The following KCNK17 variants were observed in gnomAD, a reference collection of about 807,000 sequenced individuals.
KCNK17 encodes the protein potassium channel subfamily K member 17.
In KCNK17, 27 loss-of-function variants were observed where a neutral mutation model predicts 24.6. The ratio of observed to expected loss-of-function variants is 1.10; its 90% CI spans 0.81 to 1.51. The LOEUF is 1.51. KCNK17 is among the 40% of genes most tolerant of loss of function. The pLI is 0.00. For missense variants in KCNK17, 450 were observed against 436.6 expected (o/e 1.03, Z -0.27); for synonymous variants, 181 against 189.8 (o/e 0.95, Z 0.38).
At chr6:39,301,759 G>A (rs774675114) in intron 4 of KCNK17, among the ~76,000 whole-genome samples, 7 of 152,252 alleles carry the variant, frequency 4.6e-5, no homozygotes, top group African/African-American at 7.2e-5. Flanking sequence ...ACCTGGGGGC[G>A]GCTCTGGCCA....
intron 2 of KCNK17, among the ~76,000 whole-genome samples, chr6:39,307,339 C>A (rs1762054001): frequency 6.6e-6 from 1 of 152,166 alleles, no homozygotes; most frequent in South Asian, 2.1e-4. Flanking sequence ...CCTCTTGAGT[C>A]CCCATCTACC....
intron 2 of KCNK17, among the ~76,000 whole-genome samples, chr6:39,309,569 G>A (rs867216029): frequency 3.2e-4 from 48 of 152,154 alleles, no homozygotes; most frequent in Admixed American, 7.2e-4. Context: ...GGGTGGTAGA[G>A]CTGGGAAGAG....
chr6:39,306,685 T>C (rs968849556), intron 2 of KCNK17, among the ~76,000 whole-genome samples: 1 of 151,888 alleles, frequency 6.6e-6, no homozygotes, highest in Non-Finnish European at 1.5e-5. Context: ...TGGAGTCTGC[T>C]GCACCTCCTA....
chr6:39,309,275 G>C (rs1762090104), intron 2 of KCNK17, among the ~76,000 whole-genome samples: 1 of 152,244 alleles, frequency 6.6e-6, no homozygotes, highest in East Asian at 1.9e-4. Context: ...AGTGAGCTGA[G>C]ATCATGCCAC....
At chr6:39,308,481 G>A (rs1467665435) in intron 2 of KCNK17, among the ~76,000 whole-genome samples, 1 of 152,188 alleles carries the variant, frequency 6.6e-6, no homozygotes, top group Non-Finnish European at 1.5e-5. Flanking sequence ...AGAAGAGATG[G>A]GGTTTCATCA....
chr6:39,314,171 G>A lies in KCNK17; in HGVS notation c.150C>T (p.Asp50=). ...FWTLEGRAAQ[D]SSRSFQRDKW... ...TGTCGCGCTGGAAGCTGCGGCTGGA[G>A]TCCTGCGCCGCGCGGCCCTCCAGCG... Residue 50 remains aspartate (D), a synonymous_variant, in exon 1 of 5, where the codon GAC becomes GAT. Transcript: ENST00000373231. The A allele has an allele frequency of 1.0e-5, 16 of 1,563,642 alleles. No homozygotes were observed. The highest frequency in any genetic ancestry group is 1.3e-5 in the Non-Finnish European group (15 of 1,158,430).
chr6:39,304,301 G>A, intron 3 of KCNK17, 170 bp from the exon 4 acceptor site: 1 of 785,310 alleles, frequency 1.3e-6, no homozygotes, highest in South Asian at 1.8e-5. Flanking sequence ...CTTCCTGTCT[G>A]CCCAGTCCCA....
At chr6:39,312,078 G>T (rs2113841795) in intron 1 of KCNK17, among the ~76,000 whole-genome samples, 1 of 152,350 alleles carries the variant, frequency 6.6e-6, no homozygotes, top group East Asian at 1.9e-4. Context: ...TCCTGGCACA[G>T]GTGGTCCAGG....
At chr6:39,300,404 G>T in intron 4 of KCNK17, 1 of 1,305,948 alleles carries the variant, frequency 7.7e-7, no homozygotes, top group Non-Finnish European at 1.1e-6. Flanking sequence ...AATTACAGGT[G>T]TGAGCCACCG....
At position 39,310,248 on chromosome 6, in the gene KCNK17, G is replaced by A. The variant is rs116509187; in HGVS notation, c.352+645C>T. Among the ~76,000 whole-genome samples the A allele has an allele frequency of 8.6e-3, 1,311 of 152,268 alleles. 9 individuals carry two copies. Among genetic ancestry groups the A allele is most frequent in the African/African-American group, 0.029 (1,212 of 41,538 alleles). On this transcript the variant is annotated intron_variant, in intron 2 of 4. Transcript: ENST00000373231. The stretch of plus-strand genomic sequence containing the variant: ...CTCTTCTTTGCACAGCAGCCCCTCA[G>A]CACCCTCCTGAGACAAGCTCTACCT...
intron 2 of KCNK17, among the ~76,000 whole-genome samples, chr6:39,309,348 A>C (rs11967575): frequency 1.1e-3 from 166 of 152,306 alleles, no homozygotes; most frequent in Middle Eastern, 6.8e-3. Context: ...GAAAATAATA[A>C]GACCTATTCT....
intron 1 of KCNK17, among the ~76,000 whole-genome samples, chr6:39,311,771 G>A (rs189089830): frequency 2.0e-4 from 30 of 152,304 alleles, no homozygotes; most frequent in African/African-American, 6.7e-4. Context: ...GCCTTTGAGG[G>A]TCAGGTAGGA....
chr6:39,299,231 GC>G lies in KCNK17; in HGVS notation c.*195del, dbSNP rs1172529147. 7 of 574,004 alleles carry G rather than the reference GC, an allele frequency of 1.2e-5. No individual in the cohort carries two copies. The highest frequency in any genetic ancestry group is 2.2e-5 in the Non-Finnish European group (7 of 325,246). The allele number at this position is 574,004 out of a possible 1,614,324, so 35.6% of individuals were successfully genotyped here. The stretch of plus-strand genomic sequence containing the variant: ...AGGAAGTGGGGGAGAAGGGCATGCT[GC>G]CCCGACACCCGAAAGTCACATCCCA... On this transcript the variant is annotated 3_prime_UTR_variant, in exon 5 of 5. Coordinates refer to ENST00000373231, the MANE Select transcript of KCNK17 (RefSeq NM_031460.4).
intron 4 of KCNK17, among the ~76,000 whole-genome samples, chr6:39,303,417 C>T (rs1312367895): frequency 1.3e-5 from 2 of 152,202 alleles, no homozygotes; most frequent in African/African-American, 4.8e-5. Context: ...CTTCTAGGGC[C>T]CTTGTCTTGC....
chr6:39,313,957 C>T, intron 1 of KCNK17, 127 bp downstream of exon 1: 1 of 706,024 alleles, frequency 1.4e-6, no homozygotes. Context: ...CGTCTGCGTT[C>T]CCGACGTTTC....
At chr6:39,303,109 T>C (rs1030996935) in intron 4 of KCNK17, among the ~76,000 whole-genome samples, 1 of 152,196 alleles carries the variant, frequency 6.6e-6, no homozygotes, top group African/African-American at 2.4e-5. Flanking sequence ...GGGTGACAAT[T>C]GTTGCTGTAG....
chr6:39,311,072 G>GCACACACACACACA (rs59086835), intron 1 of KCNK17, 65 bp from the exon 2 acceptor site: 6 of 518,768 alleles, frequency 1.2e-5, no homozygotes, highest in African/African-American at 6.1e-5. Context: ...ACCCCAAGAT[G>GCACACACACACACA]CACACACACA....
At chr6:39,304,283 C>A in intron 3 of KCNK17, 152 bp from the exon 4 acceptor site, 2 of 829,058 alleles carry the variant, frequency 2.4e-6, no homozygotes, top group Non-Finnish European at 3.7e-6. Context: ...GAGCCTGTGC[C>A]TCATGTCCTT....
chr6:39,314,211 G>A lies in KCNK17; in HGVS notation c.110C>T (p.Thr37Ile). Residue 37 changes from threonine to isoleucine, a missense_variant, in exon 1 of 5, where the codon ACC becomes ATC. Coordinates refer to ENST00000373231, the MANE Select transcript of KCNK17 (RefSeq NM_031460.4). Reference protein sequence around the residue: ...LAYLAYLALGTGVFWTLEGRA... With the variant: ...LAYLAYLALGIGVFWTLEGRA... ...GCCCTCCAGCGTCCAGAACACGCCG[G>A]TGCCCAGCGCCAGGTAAGCCAGGTA... The A allele has an allele frequency of 1.9e-6, 3 of 1,544,448 alleles. No individual in the cohort carries two copies. The highest frequency in any genetic ancestry group is 1.2e-5 in the South Asian group (1 of 84,334).
Sources: gnomAD v4.1 joint callset for allele counts (sites outside exome capture counted in the v4.1 genomes callset) on GRCh38, gnomAD v4.1.1 for gene constraint, MANE v1.5 for transcripts, NCBI Gene and HGNC (gene_info 2026-07-23, HGNC 2026-07-21) for gene names.